Variants in UVSSA observed in about 807,000 individuals in gnomAD.
UVSSA encodes UV-stimulated scaffold protein A.
A neutral mutation model predicts 73.9 loss-of-function variants in UVSSA; 72 were observed. That is an observed-to-expected ratio of 0.97 (90% CI 0.81 to 1.19). The LOEUF (loss-of-function observed/expected upper bound fraction) is 1.19, where lower values mean the gene tolerates loss of function less well. Ranked by LOEUF, UVSSA falls within the 50% of genes most tolerant of loss-of-function variation. The pLI is 0.00. For missense variants in UVSSA, 1,150 were observed against 965.0 expected, an observed-to-expected ratio of 1.19 and a Z score of -2.54; for synonymous variants, 454 against 391.3, an observed-to-expected ratio of 1.16 and a Z score of -1.89.
chr4:1,378,652 C>T (rs1205919008), intron 10 of UVSSA, among the ~76,000 whole-genome samples: 3 of 152,192 alleles, frequency 2.0e-5, no homozygotes, highest in South Asian at 2.1e-4. Context: ...GGCTGCTGTG[C>T]GCCGGCTCCT....
Position 1,372,810 on chromosome 4 carries a change from G to A in UVSSA, c.1289-2554G>A, listed in dbSNP as rs796481133. Among the ~76,000 whole-genome samples, 6 of 37,708 alleles carry A rather than the reference G, an allele frequency of 1.6e-4. 1 individual carries two copies. Among genetic ancestry groups the A allele is most frequent in the African/African-American group, 1.5e-3 (6 of 4,016 alleles). 24.7% of individuals were successfully genotyped at this position (37,708 alleles called of 152,430 possible). A position where few individuals can be genotyped will look rare whatever the true frequency, so the allele number is the denominator to read the frequency against. On this transcript the variant is annotated intron_variant, in intron 8 of 13. Coordinates refer to ENST00000389851, the MANE Select transcript of UVSSA (RefSeq NM_020894.4). The stretch of plus-strand genomic sequence containing the variant: ...CCGCGTCCCTGCACTCACCTCCCGC[G>A]TCTCAGGGCACTCACCTCCCGCGTC...
At chr4:1,345,492 A>G (rs1713593749), upstream of UVSSA, among the ~76,000 whole-genome samples, 1 of 151,978 alleles carries the variant, frequency 6.6e-6, no homozygotes, top group Non-Finnish European at 1.5e-5. Context: ...TAAAAATTCA[A>G]AAATGAGCTG....
intron 8 of UVSSA, among the ~76,000 whole-genome samples, chr4:1,371,894 C>G (rs192931976): frequency 5.1e-4 from 78 of 152,300 alleles, no homozygotes; most frequent in Admixed American, 5.1e-3. Context: ...ACAAACCACC[C>G]GTGATACGGC....
chr4:1,352,906 C>T, intron 4 of UVSSA, 124 bp from the exon 5 acceptor site: 1 of 1,312,902 alleles, frequency 7.6e-7, no homozygotes. Context: ...GATTGCACCA[C>T]TGCATTCCAC....
chr4:1,381,825 C>G (rs1294133646), intron 12 of UVSSA, among the ~76,000 whole-genome samples: 5 of 152,074 alleles, frequency 3.3e-5, no homozygotes. Context: ...TGCCACCATG[C>G]CCGACTAATT....
At chr4:1,352,934 C>T in intron 4 of UVSSA, 96 bp from the exon 5 acceptor site, 10 of 1,476,838 alleles carry the variant, frequency 6.8e-6, no homozygotes, top group Admixed American at 2.3e-5. Context: ...TGAAAAGTGA[C>T]ACCCTGCGGG....
At position 1,395,081 on chromosome 4, in the gene UVSSA, C is replaced by A. The variant is rs766964835; in HGVS notation, c.*9120C>A. 12 of 1,328,924 alleles carry A rather than the reference C, an allele frequency of 9.0e-6. 2 individuals are homozygous for A. The highest frequency in any genetic ancestry group is 4.2e-6 in the Non-Finnish European group (4 of 956,904). The allele number at this position is 1,328,924 out of a possible 1,614,324, so 82.3% of individuals were successfully genotyped here. A position where few individuals can be genotyped will look rare whatever the true frequency, so the allele number is the denominator to read the frequency against. On this transcript the variant is annotated 3_prime_UTR_variant, in exon 14 of 14. Transcript: ENST00000511216. The stretch of plus-strand genomic sequence containing the variant: ...TGCCAACGTGGAGTGCCCGCCTGAT[C>A]ACACGTGCCCATGTGGAGTGCTCGC...
intron 5 of UVSSA, 131 bp downstream of exon 5, chr4:1,353,544 C>T (rs1253556159): frequency 7.9e-6 from 10 of 1,272,422 alleles, no homozygotes; most frequent in Non-Finnish European, 9.4e-6. Flanking sequence ...TCAGGGGTCA[C>T]CACCAGGTTT....
intron 13 of UVSSA, 27 bp from the exon 14 acceptor site, chr4:1,385,841 G>C: frequency 6.2e-7 from 1 of 1,613,524 alleles, no homozygotes. Flanking sequence ...AGCCTCCCAG[G>C]TCACATCTTG....
At chr4:1,366,107 C>T (rs934719715) in intron 7 of UVSSA, 1 of 452,318 alleles carries the variant, frequency 2.2e-6, no homozygotes, top group Non-Finnish European at 4.0e-6. Context: ...AAACAGCCCC[C>T]AGCACAGGGG....
rs1290097372 is a variant in UVSSA, at chr4:1,349,685, T to C, written c.260T>C (p.Leu87Pro). ...MLVVSNFQEF[L>P]ELTLGTDPAQ... ...GTTGTTTCCAACTTCCAGGAGTTCC[T>C]GGAGCTCACGCTGGGCACAGACCCC... The change falls in exon 3 of 14, where the codon CTG (leucine) becomes CCG (proline). Residue 87 changes from leucine (L) to proline (P), a missense_variant. Coordinates refer to ENST00000389851, the MANE Select transcript of UVSSA (RefSeq NM_020894.4). 2 of 1,613,890 alleles carry C rather than the reference T, an allele frequency of 1.2e-6. No individual in the cohort carries two copies. The highest frequency in any genetic ancestry group is 8.5e-7 in the Non-Finnish European group (1 of 1,179,986).
chr4:1,376,604 G>A (rs1232474640), intron 10 of UVSSA, among the ~76,000 whole-genome samples: 1 of 152,168 alleles, frequency 6.6e-6, no homozygotes, highest in Non-Finnish European at 1.5e-5. Flanking sequence ...AGGAGCCTCG[G>A]GAAGCCACCC....
exon 14 of UVSSA, chr4:1,394,258 C>A: frequency 1.3e-6 from 1 of 741,046 alleles, no homozygotes; most frequent in Non-Finnish European, 2.1e-6. Flanking sequence ...TCTCGTTCCT[C>A]AGATCTTCCT....
intron 8 of UVSSA, among the ~76,000 whole-genome samples, chr4:1,371,660 G>A (rs113173111): frequency 1.3e-5 from 2 of 152,208 alleles, no homozygotes; most frequent in Non-Finnish European, 2.9e-5. Flanking sequence ...CAGCAGGCAG[G>A]GAGAGGGCTT....
rs759698522 is a variant in UVSSA, at chr4:1,375,493, C to T, written c.1418C>T (p.Pro473Leu). The change falls in exon 9 of 14, where the codon CCA becomes CTA. Residue 473 changes from proline to leucine, a missense_variant. Transcript: ENST00000389851. ...QLRQLRDHLP[P>L]PSSASPSRAL... The stretch of plus-strand genomic sequence containing the variant: ...CGGCAGCTCCGGGACCACTTGCCTC[C>T]ACCCTCATCTGCCAGGTGACTCCCA... The T allele has an allele frequency of 6.2e-7, 1 of 1,610,790 alleles. No homozygotes were observed. Among genetic ancestry groups the T allele is most frequent in the African/African-American group, 1.3e-5 (1 of 75,052 alleles).
At chr4:1,378,432 A>C (rs1267529778) in intron 10 of UVSSA, among the ~76,000 whole-genome samples, 2 of 152,210 alleles carry the variant, frequency 1.3e-5, no homozygotes, top group Non-Finnish European at 2.9e-5. Flanking sequence ...GTGCGCCTGT[A>C]ATCCCAGCTA....
intron 9 of UVSSA, 49 bp downstream of exon 9, chr4:1,375,557 A>C: frequency 6.3e-7 from 1 of 1,585,968 alleles, no homozygotes; most frequent in Non-Finnish European, 8.5e-7. Flanking sequence ...GCGCTGCCAC[A>C]GCCTCTGCCC....
chr4:1,351,915 G>A, intron 4 of UVSSA, 80 bp downstream of exon 4: 1 of 1,562,324 alleles, frequency 6.4e-7, no homozygotes, highest in East Asian at 2.3e-5. Flanking sequence ...CTGGTCCCAG[G>A]GCCCCAGCCG....
chr4:1,395,515 CAT>C (rs1377352954), exon 14 of UVSSA: 12 of 1,599,242 alleles, frequency 7.5e-6, no homozygotes, highest in South Asian at 1.1e-5. Flanking sequence ...TGCTCACACA[CAT>C]GCCGATGTGG....
Sources: gnomAD v4.1 joint callset for allele counts (sites outside exome capture counted in the v4.1 genomes callset) on GRCh38, gnomAD v4.1.1 for gene constraint, MANE v1.5 for transcripts, NCBI Gene and HGNC (gene_info 2026-07-23, HGNC 2026-07-21) for gene names.